The following A4GALT variants were observed in gnomAD, a reference collection of about 807,000 sequenced individuals.
The protein encoded by A4GALT is lactosylceramide 4-alpha-galactosyltransferase.
For synonymous variants in A4GALT, 257 were observed against 220.7 expected, an observed-to-expected ratio of 1.16 and a Z score of -1.46; for missense variants, 512 against 486.0, an observed-to-expected ratio of 1.05 and a Z score of -0.50.
At chr22:42,706,324 C>T (rs1177600355) in intron 1 of A4GALT, among the ~76,000 whole-genome samples, 2 of 135,058 alleles carry the variant, frequency 1.5e-5, no homozygotes, top group Non-Finnish European at 3.0e-5. Flanking sequence ...CACTGCACTC[C>T]AGCCTGGGTG....
rs1214380977 is a variant in A4GALT at position 42,704,059 on chromosome 22, C to T, written c.-187-8428G>A. Among the ~76,000 whole-genome samples, 4 of 152,266 alleles carry T rather than the reference C, an allele frequency of 2.6e-5. 1 individual carries two copies. The highest frequency in any genetic ancestry group is 6.5e-5 in the Admixed American group (1 of 15,284). On this transcript the variant is annotated intron_variant, in intron 1 of 2. Coordinates refer to ENST00000642412, the MANE Select transcript of A4GALT (RefSeq NM_017436.7). ...AAACTCAATGCCCAGAGCTTCCAAA[C>T]CCTGCTTGGAGGACCAAGTGTCCTG...
At position 42,715,196 on chromosome 22, in the gene A4GALT, G is replaced by T. The variant is rs1922063783; in HGVS notation, c.-188+5601C>A. Among the ~76,000 whole-genome samples, 3 of 152,116 alleles carry T rather than the reference G, an allele frequency of 2.0e-5. No homozygotes were observed. The South Asian group carries it at 6.2e-4, about 32-fold the overall frequency. On this transcript the variant is annotated intron_variant, in intron 1 of 2. Transcript: ENST00000642412. The stretch of plus-strand genomic sequence containing the variant: ...CTTAGAGATCTAAGAGAGCAATACA[G>T]CTTCATACCATAAATTCCAAGGCAA...
intron 1 of A4GALT, among the ~76,000 whole-genome samples, chr22:42,707,858 C>T (rs1921287778): frequency 6.6e-6 from 1 of 150,894 alleles, no homozygotes; most frequent in African/African-American, 2.4e-5. Context: ...CATGGCTGGT[C>T]ATGGTGGCTC....
Position 42,692,973 on chromosome 22 carries a change from C to T in A4GALT, c.979G>A (p.Glu327Lys), listed in dbSNP as rs762477967. Residue 327 changes from glutamate (E) to lysine (K), a missense_variant, in exon 3 of 3, where the codon GAG becomes AAG. Transcript: ENST00000642412. This position sits in a 1 kb window ranked among gnomAD's most constrained non-coding sequence, Gnocchi z 4.6. ...GCCAGCAGTGCCCTGGACGTGGCCT[C>T]GAACCGCGTGCCCTGGCTCTTCTTG... ...WNKKSQGTRF[E>K]ATSRALLAQL... The T allele has an allele frequency of 4.3e-6, 7 of 1,613,028 alleles. No homozygotes were observed. Among genetic ancestry groups the T allele is most frequent in the East Asian group, 2.2e-5 (1 of 44,874 alleles).
At chr22:42,697,635 C>T (rs1258862272) in intron 1 of A4GALT, among the ~76,000 whole-genome samples, 2 of 152,022 alleles carry the variant, frequency 1.3e-5, no homozygotes, top group Non-Finnish European at 2.9e-5. Context: ...GTGTCAGAGC[C>T]CAAGACCCAG....
intron 1 of A4GALT, among the ~76,000 whole-genome samples, chr22:42,705,245 A>G (rs1282546170): frequency 2.0e-5 from 3 of 152,192 alleles, no homozygotes; most frequent in African/African-American, 7.2e-5. Context: ...GGCATAAAAC[A>G]AAATGGAAAC....
chr22:42,718,665 G>A (rs773496168), intron 1 of A4GALT: 13 of 152,196 alleles, frequency 8.5e-5, no homozygotes, highest in African/African-American at 2.4e-4. Context: ...ACTTCTTTCG[G>A]TTAATTCATT....
rs28940571 is a variant in A4GALT at position 42,693,200 on chromosome 22, G to A, written c.752C>T (p.Pro251Leu). The A allele has an allele frequency of 4.7e-5, 75 of 1,602,426 alleles. No homozygotes were observed. The highest frequency in any genetic ancestry group is 3.5e-4 in the Admixed American group (20 of 57,938). The change falls in exon 3 of 3, where the codon CCG becomes CTG. Residue 251 changes from proline to leucine, a missense_variant. Coordinates refer to ENST00000642412, the MANE Select transcript of A4GALT (RefSeq NM_017436.7). The stretch of plus-strand genomic sequence containing the variant: ...CTTGAAGACCCGCGTGAGCAGCTGC[G>A]GGCCCTGGTGACCCCAGATCCAGCC... ...YNGWIWGHQGPQLLTRVFKKW... is the reference protein window; with the variant it reads ...YNGWIWGHQGLQLLTRVFKKW...
chr22:42,710,447 G>A (rs11704052), intron 1 of A4GALT, among the ~76,000 whole-genome samples: 52,308 of 151,926 alleles, frequency 0.34, 10,155 homozygotes, highest in South Asian at 0.45. Context: ...TGTAATCCCA[G>A]CACTTTAGGA....
intron 1 of A4GALT, among the ~76,000 whole-genome samples, chr22:42,700,569 G>A (rs751956155): frequency 1.3e-5 from 2 of 152,206 alleles, no homozygotes; most frequent in Non-Finnish European, 2.9e-5. Context: ...TGGCCAGGCT[G>A]GGGTGTGGCC....
intron 1 of A4GALT, among the ~76,000 whole-genome samples, chr22:42,698,430 C>T (rs1931083859): frequency 6.6e-6 from 1 of 152,180 alleles, no homozygotes; most frequent in Non-Finnish European, 1.5e-5. Context: ...TTCATCCCTA[C>T]ACAAATTGCA....
Position 42,693,936 on chromosome 22 carries a change from C to T in A4GALT, c.16G>A (p.Asp6Asn), listed in dbSNP as rs532248481. MSKPPDLLLRLLRGAP... is the reference protein window; with the variant it reads MSKPPNLLLRLLRGAP... ...CCCCGGAGCAGCCGCAGCAGGAGGT[C>T]GGGGGGCTTGGACATGGTATCCCCA... Residue 6 changes from aspartate to asparagine, a missense_variant, in exon 3 of 3, where the codon GAC (aspartate) becomes AAC (asparagine). Transcript: ENST00000642412. 56 of 1,590,790 alleles carry T rather than the reference C, an allele frequency of 3.5e-5. No homozygotes were observed. The African/African-American group carries it at 7.0e-4, about 20-fold the overall frequency.
At chr22:42,694,398 T>C in intron 2 of A4GALT, 1 of 207,560 alleles carries the variant, frequency 4.8e-6, no homozygotes, top group Non-Finnish European at 9.9e-6. Context: ...GCCCAGCTCA[T>C]GCCCGCCTCA....
intron 1 of A4GALT, among the ~76,000 whole-genome samples, chr22:42,700,155 C>T (rs952591785): frequency 2.0e-5 from 3 of 152,174 alleles, no homozygotes; most frequent in East Asian, 1.9e-4. Context: ...GGGGCCACCG[C>T]GCCCAGCGCA....
rs760757454 is a variant in A4GALT at position 42,693,417 on chromosome 22, T to C, written c.535A>G (p.Arg179Gly). ...CCGAACTTCCACATGAGTGCGATCC[T>C]GGAGGCGTCGGAGAGCACGGGCAGC... ...YLLPVLSDAS[R>G]IALMWKFGGI... The change falls in exon 3 of 3, where the codon AGG becomes GGG. Residue 179 changes from arginine (R) to glycine (G), a missense_variant. Coordinates refer to ENST00000642412, the MANE Select transcript of A4GALT (RefSeq NM_017436.7). 1 of 1,613,358 alleles carries C rather than the reference T, an allele frequency of 6.2e-7. No individual in the cohort carries two copies. The highest frequency in any genetic ancestry group is 2.2e-5 in the East Asian group (1 of 44,868).
At chr22:42,699,568 T>G (rs1931164318) in intron 1 of A4GALT, among the ~76,000 whole-genome samples, 1 of 152,068 alleles carries the variant, frequency 6.6e-6, no homozygotes, top group Admixed American at 6.5e-5. Flanking sequence ...GAGAGCCCCA[T>G]GCAGGGCAAG....
intron 1 of A4GALT, among the ~76,000 whole-genome samples, chr22:42,714,385 C>CGG (rs1476809847): frequency 6.7e-6 from 1 of 150,264 alleles, no homozygotes; most frequent in South Asian, 2.1e-4. Flanking sequence ...CCCAGGAGTC[C>CGG]GGGACCAGCC....
intron 1 of A4GALT, among the ~76,000 whole-genome samples, chr22:42,712,238 G>A (rs1383860045): frequency 2.0e-5 from 3 of 152,150 alleles, no homozygotes; most frequent in Non-Finnish European, 4.4e-5. Context: ...CTTCTCAGGG[G>A]CAGAGTGAAA....
At chr22:42,700,966 C>A (rs948877325) in intron 1 of A4GALT, among the ~76,000 whole-genome samples, 1 of 152,184 alleles carries the variant, frequency 6.6e-6, no homozygotes, top group Non-Finnish European at 1.5e-5. Flanking sequence ...GTAGCATGCT[C>A]TTTATCATGC....
Sources: allele counts gnomAD v4.1 joint callset (sites outside exome capture counted in the v4.1 genomes callset), GRCh38; gene constraint gnomAD v4.1.1; non-coding constraint Gnocchi (gnomAD v3.1); transcripts MANE v1.5; gene names NCBI Gene and HGNC (gene_info 2026-07-23, HGNC 2026-07-21).